The following ATE1 variants were observed in gnomAD, a reference collection of about 807,000 sequenced individuals.
The protein encoded by ATE1 is arginyltransferase 1, also known as arginyl-tRNA--protein transferase 1.
In ATE1, 36 loss-of-function variants were observed where a neutral mutation model predicts 70.5. The ratio of observed to expected loss-of-function variants is 0.51; its 90% confidence interval spans 0.39 to 0.67. The LOEUF is 0.67. ATE1 is among the 30% of genes least tolerant of loss of function. The pLI is 0.00. For missense variants in ATE1, 593 were observed against 629.5 expected (o/e 0.94, Z 0.62); for synonymous variants, 232 against 219.3 (o/e 1.06, Z -0.51).
At chr10:121,767,747 G>A (rs770766398) in intron 11 of ATE1, among the ~76,000 whole-genome samples, 1 of 152,182 alleles carries the variant, frequency 6.6e-6, no homozygotes, top group Non-Finnish European at 1.5e-5. Flanking sequence ...TGTAAGTGTT[G>A]GTGAGGATAT....
intron 7 of ATE1, among the ~76,000 whole-genome samples, chr10:121,897,942 G>A (rs555660222): frequency 3.1e-4 from 47 of 152,150 alleles, no homozygotes; most frequent in Admixed American, 2.1e-3. Flanking sequence ...TGGGGGATCT[G>A]GGAAGTGAGC....
rs908049894 is a variant in ATE1 at position 121,902,702 on chromosome 10, T to C, written c.584-82A>G. ...CACATGTCTCAAAGATTCTACAGTG[T>C]AAGTCCAAAGAGTTTCAATGGTTAG... On this transcript the variant is annotated intron_variant, in intron 5 of 11. Coordinates refer to ENST00000224652, the MANE Select transcript of ATE1 (RefSeq NM_001001976.3). 8.8e-6 allele frequency: 12 copies of C among 1,357,132 alleles called. No individual in the cohort carries two copies. The African/African-American group carries it at 1.2e-4, about 13-fold the overall frequency. The allele number at this position is 1,357,132 out of a possible 1,614,324, so 84.1% of individuals were successfully genotyped here. A position where few individuals can be genotyped will look rare whatever the true frequency, so the allele number is the denominator to read the frequency against.
At chr10:121,760,853 T>C (rs1389419305) in intron 11 of ATE1, among the ~76,000 whole-genome samples, 2 of 152,344 alleles carry the variant, frequency 1.3e-5, no homozygotes, top group Admixed American at 6.5e-5. Context: ...TTCTTTGTTG[T>C]CTTATTTTAA....
intron 10 of ATE1, among the ~76,000 whole-genome samples, chr10:121,829,509 A>G (rs113940464): frequency 0.033 from 4,958 of 152,040 alleles, 153 homozygotes; most frequent in African/African-American, 0.082. Flanking sequence ...GGAGTTCAAG[A>G]CCAGCCTGGC....
chr10:121,825,988 T>C (rs547447915), intron 10 of ATE1, among the ~76,000 whole-genome samples: 9 of 152,310 alleles, frequency 5.9e-5, no homozygotes, highest in Non-Finnish European at 1.3e-4. Flanking sequence ...TATTCAGCCT[T>C]AAAGAGGAAA....
At chr10:121,896,681 C>T (rs7909829) in intron 7 of ATE1, among the ~76,000 whole-genome samples, 15,390 of 151,902 alleles carry the variant, frequency 0.1, 2,420 homozygotes, top group African/African-American at 0.34. Context: ...TGGTGGCACA[C>T]ACCTGTAATC....
intron 2 of ATE1, among the ~76,000 whole-genome samples, 168 bp from the exon 3 acceptor site, chr10:121,922,579 CAA>C (rs1951925062): frequency 6.6e-6 from 1 of 152,136 alleles, no homozygotes; most frequent in Non-Finnish European, 1.5e-5. Flanking sequence ...GTGCGTGTAG[CAA>C]AGTTTAGAAC....
At chr10:121,780,577 T>C (rs1056270588) in intron 11 of ATE1, among the ~76,000 whole-genome samples, 1 of 152,252 alleles carries the variant, frequency 6.6e-6, no homozygotes, top group Non-Finnish European at 1.5e-5. Context: ...AGATCTCTTA[T>C]GGCCTTCCAT....
chr10:121,790,257 A>G lies in ATE1; in HGVS notation c.1290T>C (p.Pro430=). The G allele has an allele frequency of 1.2e-6, 2 of 1,614,110 alleles. No individual in the cohort carries two copies. Among genetic ancestry groups the G allele is most frequent in the Non-Finnish European group, 1.7e-6 (2 of 1,179,970 alleles). Residue 430 remains proline (P), a synonymous_variant, in exon 11 of 12, where the codon CCT becomes CCC. Coordinates refer to ENST00000224652, the MANE Select transcript of ATE1 (RefSeq NM_001001976.3). The stretch of plus-strand genomic sequence containing the variant: ...CAATGGGTACCCAAACATATGTCTC[A>G]GGGCACAGCAAATCAGAAGGTCTAT... ...GQYRPSDLLC[P]ETYVWVPIEQ...
chr10:121,908,328 A>G lies in ATE1; in HGVS notation c.583+2578T>C, dbSNP rs530761102. Among the ~76,000 whole-genome samples the G allele has an allele frequency of 4.6e-5, 7 of 152,218 alleles. No homozygotes were observed. In the South Asian group the frequency reaches 1.5e-3, roughly 32 times the overall value. ...AGACCAGCCTGGCCAACATGGCTAAACCCCGTCTCTACTAAAAATATAAAA... is the reference window on the plus strand; with the variant it reads ...AGACCAGCCTGGCCAACATGGCTAAGCCCCGTCTCTACTAAAAATATAAAA... On this transcript the variant is annotated intron_variant, in intron 5 of 11. Coordinates refer to ENST00000224652, the MANE Select transcript of ATE1 (RefSeq NM_001001976.3).
intron 11 of ATE1, among the ~76,000 whole-genome samples, chr10:121,749,345 A>G (rs778212115): frequency 6.6e-6 from 1 of 152,190 alleles, no homozygotes; most frequent in Non-Finnish European, 1.5e-5. Flanking sequence ...CAAGCAAATA[A>G]AAACATTTAG....
At chr10:121,892,200 T>A (rs185608444) in intron 7 of ATE1, among the ~76,000 whole-genome samples, 1 of 152,262 alleles carries the variant, frequency 6.6e-6, no homozygotes, top group Admixed American at 6.5e-5. Flanking sequence ...GGCCAAGGGT[T>A]TGCCAAGTGG....
intron 10 of ATE1, among the ~76,000 whole-genome samples, chr10:121,800,886 T>A (rs1211229959): frequency 1.3e-5 from 2 of 152,166 alleles, no homozygotes; most frequent in African/African-American, 4.8e-5. Flanking sequence ...ACCCAGTCTT[T>A]CCCCTGAAAG....
intron 10 of ATE1, among the ~76,000 whole-genome samples, chr10:121,795,387 C>T (rs1946623379): frequency 6.6e-6 from 1 of 152,130 alleles, no homozygotes; most frequent in South Asian, 2.1e-4. Context: ...TCACAACCTA[C>T]TGGGAGTGAT....
intron 11 of ATE1, among the ~76,000 whole-genome samples, chr10:121,774,286 T>C (rs1170262969): frequency 6.6e-6 from 1 of 152,220 alleles, no homozygotes; most frequent in Non-Finnish European, 1.5e-5. Flanking sequence ...GCAAATTTGG[T>C]AAGCGAGTTG....
intron 5 of ATE1, among the ~76,000 whole-genome samples, chr10:121,908,398 T>G (rs1951286278): frequency 6.6e-6 from 1 of 152,010 alleles, no homozygotes; most frequent in East Asian, 1.9e-4. Flanking sequence ...CCAGCTACTC[T>G]GAAGGCTGAG....
intron 11 of ATE1, among the ~76,000 whole-genome samples, chr10:121,751,148 C>G (rs576102798): frequency 1.3e-5 from 2 of 152,176 alleles, no homozygotes; most frequent in Non-Finnish European, 2.9e-5. Context: ...GAGAGAATTA[C>G]GCATGTTCAT....
chr10:121,804,014 T>C (rs1288187713), intron 10 of ATE1, among the ~76,000 whole-genome samples: 1 of 152,236 alleles, frequency 6.6e-6, no homozygotes, highest in Non-Finnish European at 1.5e-5. Context: ...GTATTCTGTG[T>C]GTTTCTGCAA....
At chr10:121,826,481 C>T (rs1948019584) in intron 10 of ATE1, among the ~76,000 whole-genome samples, 1 of 152,006 alleles carries the variant, frequency 6.6e-6, no homozygotes, top group African/African-American at 2.4e-5. Context: ...AACGTTTTTG[C>T]ATTTTTAGTA....
Sources: gnomAD v4.1 joint callset for allele counts (sites outside exome capture counted in the v4.1 genomes callset) on GRCh38, gnomAD v4.1.1 for gene constraint, MANE v1.5 for transcripts, NCBI Gene and HGNC (gene_info 2026-07-23, HGNC 2026-07-21) for gene names.